RAB6A: variants seen among roughly 807,000 people sequenced by gnomAD.
The protein encoded by RAB6A is ras-related protein Rab-6A.
A neutral mutation model predicts 32.3 loss-of-function variants in RAB6A; 8 were observed. The observed-to-expected ratio is 0.25, with a 90% CI of 0.15 to 0.45. The LOEUF (loss-of-function observed/expected upper bound fraction) is 0.45, where lower values mean the gene tolerates loss of function less well. Among genes scored for constraint, RAB6A ranks in the 20% least tolerant of loss-of-function variants. The probability of loss-of-function intolerance (pLI) is 1.00; values close to 1 mark genes in which losing one functional copy is unlikely to be tolerated. For synonymous variants in RAB6A, 73 were observed against 82.1 expected, an observed-to-expected ratio of 0.89 and a Z score of 0.60; for missense variants, 104 against 249.4, an observed-to-expected ratio of 0.42 and a Z score of 3.93.
chr11:73,753,610 C>T (rs1946701952), intron 1 of RAB6A, among the ~76,000 whole-genome samples: 1 of 152,020 alleles, frequency 6.6e-6, no homozygotes, highest in South Asian at 2.1e-4. Context: ...ACTCCGGAGG[C>T]TGAGGCAGGA....
intron 1 of RAB6A, among the ~76,000 whole-genome samples, chr11:73,747,457 G>A (rs1484689027): frequency 1.8e-5 from 2 of 113,222 alleles, no homozygotes; most frequent in African/African-American, 3.8e-5. Context: ...CCCCGCCCCC[G>A]GCCTCCCAAG....
intron 6 of RAB6A, among the ~76,000 whole-genome samples, chr11:73,696,895 G>A (rs369560870): frequency 2.6e-5 from 4 of 151,906 alleles, no homozygotes; most frequent in South Asian, 4.2e-4. Context: ...ATGAGCCATC[G>A]TGCCTGGCCT....
intron 3 of RAB6A, among the ~76,000 whole-genome samples, chr11:73,720,425 A>G (rs1590860864): frequency 6.6e-6 from 1 of 151,512 alleles, no homozygotes. Flanking sequence ...CAGATGATCC[A>G]CCTGCCTCAG....
rs73548311 is a variant in RAB6A at position 73,724,328 on chromosome 11, T to G, written c.130-3429A>C. On this transcript the variant is annotated intron_variant, in intron 2 of 7. Coordinates refer to ENST00000336083, the MANE Select transcript of RAB6A (RefSeq NM_198896.2). ...GATATACATAGGCAACATCACAAAC[T>G]GACTAAAAGTAAATTTTATAGTATA... Among the ~76,000 whole-genome samples, 572 of 152,294 alleles carry G rather than the reference T, an allele frequency of 3.8e-3. 4 individuals carry two copies. The highest frequency in any genetic ancestry group is 0.013 in the African/African-American group (544 of 41,560).
Position 73,708,852 on chromosome 11 carries a change from T to C in RAB6A, c.402-1339A>G, listed in dbSNP as rs75573846. Reference sequence around the variant, plus strand: ...CCTATTACTATGAAAGAGTTGTCCTTATTCTCAAAACTTACATCTATGTAT... The same window carrying C: ...CCTATTACTATGAAAGAGTTGTCCTCATTCTCAAAACTTACATCTATGTAT... On this transcript the variant is annotated intron_variant, in intron 5 of 7. Coordinates refer to ENST00000336083, the MANE Select transcript of RAB6A (RefSeq NM_198896.2). Among the ~76,000 whole-genome samples, 8 of 152,276 alleles carry C rather than the reference T, an allele frequency of 5.3e-5. No individual in the cohort carries two copies. In the East Asian group the frequency reaches 1.4e-3, roughly 26 times the overall value.
intron 5 of RAB6A, among the ~76,000 whole-genome samples, chr11:73,707,822 A>G (rs995489346): frequency 2.6e-5 from 4 of 152,198 alleles, no homozygotes; most frequent in Non-Finnish European, 5.9e-5. Flanking sequence ...TTGAGGCTGC[A>G]GCAGGCCATT....
intron 2 of RAB6A, among the ~76,000 whole-genome samples, chr11:73,725,432 C>T (rs1206004696): frequency 1.3e-5 from 2 of 152,098 alleles, no homozygotes; most frequent in Non-Finnish European, 2.9e-5. Flanking sequence ...TTGGCGCTGC[C>T]GATAAAGACA....
At chr11:73,752,533 A>G (rs1946683989) in intron 1 of RAB6A, among the ~76,000 whole-genome samples, 1 of 152,152 alleles carries the variant, frequency 6.6e-6, no homozygotes, top group South Asian at 2.1e-4. Flanking sequence ...TTAAAATGAT[A>G]AGAACTGGCA....
At chr11:73,726,625 TGTA>T (rs1463865954) in intron 2 of RAB6A, among the ~76,000 whole-genome samples, 3 of 118,042 alleles carry the variant, frequency 2.5e-5, no homozygotes, top group Non-Finnish European at 5.0e-5. Flanking sequence ...GGTGCACACC[TGTA>T]GTTCCAGCTA....
At chr11:73,730,162 C>T (rs899125517) in intron 2 of RAB6A, 16 of 152,174 alleles carry the variant, frequency 1.1e-4, no homozygotes, top group African/African-American at 3.6e-4. Flanking sequence ...CCTTCTGTCG[C>T]TTTGGGTTTA....
chr11:73,729,243 C>T (rs1023485511), intron 2 of RAB6A, among the ~76,000 whole-genome samples: 3 of 152,258 alleles, frequency 2.0e-5, no homozygotes, highest in Admixed American at 6.5e-5. Flanking sequence ...GGATTACAGG[C>T]GCCCACCATT....
chr11:73,700,374 G>A (rs1441035638), intron 6 of RAB6A, among the ~76,000 whole-genome samples: 1 of 152,152 alleles, frequency 6.6e-6, no homozygotes, highest in East Asian at 1.9e-4. Flanking sequence ...GCCAAGGCTG[G>A]TGGATCACTT....
intron 5 of RAB6A, among the ~76,000 whole-genome samples, chr11:73,709,874 T>TATATAC (rs1945917041): frequency 7.4e-6 from 1 of 134,236 alleles, no homozygotes; most frequent in South Asian, 2.7e-4. Flanking sequence ...TATACACATA[T>TATATAC]ACATACATAT....
At chr11:73,739,263 TAAAAAAAAAAA>T (rs58629008) in intron 1 of RAB6A, among the ~76,000 whole-genome samples, 6 of 9,382 alleles carry the variant, frequency 6.4e-4, no homozygotes, top group African/African-American at 2.1e-3. Flanking sequence ...TAATAATAAT[TAAAAAAAAAAA>T]AAAAAAAAAA....
chr11:73,692,610 C>T (rs940147085), intron 6 of RAB6A, among the ~76,000 whole-genome samples: 17 of 149,920 alleles, frequency 1.1e-4, no homozygotes, highest in African/African-American at 3.9e-4. Context: ...AAGAGGGTTA[C>T]AGTGAGGGAA....
At chr11:73,721,756 C>G (rs1946135661) in intron 2 of RAB6A, among the ~76,000 whole-genome samples, 1 of 150,514 alleles carries the variant, frequency 6.6e-6, no homozygotes, top group African/African-American at 2.5e-5. Context: ...TACATACATA[C>G]TTTTTCCCTA....
chr11:73,683,332 T>G (rs970545655), intron 6 of RAB6A, among the ~76,000 whole-genome samples: 1 of 143,332 alleles, frequency 7.0e-6, no homozygotes, highest in African/African-American at 2.6e-5. Context: ...CATGGCTCCC[T>G]GAGGTCTCGA....
intron 5 of RAB6A, among the ~76,000 whole-genome samples, chr11:73,715,958 T>C (rs1946046047): frequency 6.6e-6 from 1 of 152,222 alleles, no homozygotes; most frequent in South Asian, 2.1e-4. Context: ...ACAAAACACT[T>C]TTCATACTTA....
chr11:73,695,227 T>TA (rs894167009), intron 6 of RAB6A, among the ~76,000 whole-genome samples: 8 of 151,706 alleles, frequency 5.3e-5, no homozygotes, highest in Middle Eastern at 3.4e-3. Context: ...CTTCTTGGTT[T>TA]AAAAAAAAGA....
Sources: allele counts gnomAD v4.1 joint callset (sites outside exome capture counted in the v4.1 genomes callset), GRCh38; gene constraint gnomAD v4.1.1; transcripts MANE v1.5; gene names NCBI Gene and HGNC (gene_info 2026-07-23, HGNC 2026-07-21).